ANKRD26: variants seen among roughly 807,000 people sequenced by gnomAD.
ANKRD26 encodes ankyrin repeat domain 26.
Under a neutral mutation model 208.7 loss-of-function variants are expected in ANKRD26, and 141 were observed. That is an observed-to-expected ratio of 0.68 (90% CI 0.59 to 0.78). The LOEUF (loss-of-function observed/expected upper bound fraction) is 0.78. Ranked by LOEUF, ANKRD26 falls within the 30% of genes least tolerant of loss-of-function variation. ANKRD26 has a pLI of 0.00. For missense variants in ANKRD26, 1,889 were observed against 1,938.7 expected, an observed-to-expected ratio of 0.97 and a Z score of 0.48; for synonymous variants, 636 against 660.4, an observed-to-expected ratio of 0.96 and a Z score of 0.57.
chr10:27,046,084 A>T lies in ANKRD26; in HGVS notation c.1985+269T>A, dbSNP rs80348945. ...GAAAGAAGGCTCCCTTGAATCCCAC[A>T]TTCTTCTTCAGTTACCACCCATTTA... On this transcript the variant is annotated intron_variant, in intron 18 of 33. Coordinates refer to ENST00000376087, the MANE Select transcript of ANKRD26 (RefSeq NM_014915.3). 2,089 of 360,130 alleles carry T rather than the reference A, an allele frequency of 5.8e-3. 48 individuals carry two copies. Among genetic ancestry groups the T allele is most frequent in the African/African-American group, 0.04 (1,914 of 48,344 alleles). 22.3% of individuals were successfully genotyped at this position (360,130 alleles called of 1,614,324 possible). A position where few individuals can be genotyped will look rare whatever the true frequency, so the allele number is the denominator to read the frequency against.
Position 27,043,508 on chromosome 10 carries a change from T to C in ANKRD26, c.2079A>G (p.Thr693=). ...GGGGTAGCTCACAATCCTCTGAGGC[T>C]GTTTCAGATGACTGAGTTAAGTCAT... The part of the protein sequence containing the change: ...DVDDLTQSSE[T]ASEDCELPHS... Residue 693 remains threonine (T), a synonymous_variant, in exon 20 of 34, where the codon ACA becomes ACG. Coordinates refer to ENST00000376087, the MANE Select transcript of ANKRD26 (RefSeq NM_014915.3). 1 of 1,613,938 alleles carries C rather than the reference T, an allele frequency of 6.2e-7. No homozygotes were observed. The highest frequency in any genetic ancestry group is 8.5e-7 in the Non-Finnish European group (1 of 1,179,836).
chr10:27,074,970 T>C (rs189559564), intron 9 of ANKRD26, among the ~76,000 whole-genome samples: 24 of 152,256 alleles, frequency 1.6e-4, no homozygotes, highest in Non-Finnish European at 3.4e-4. Context: ...AGCCAAGAAT[T>C]CTGTATCAAG....
In ANKRD26 at chr10:27,027,266, T is replaced by C. The variant is rs370456142; in HGVS notation, c.3972+1586A>G. ...ACATTACTTTGGGGGAAAAGAATGC[T>C]TGTATAATGACATAGTATCCATTCT... On this transcript the variant is annotated intron_variant, in intron 27 of 33. Coordinates refer to ENST00000376087, the MANE Select transcript of ANKRD26 (RefSeq NM_014915.3). Among the ~76,000 whole-genome samples the C allele has an allele frequency of 9.8e-5, 15 of 152,356 alleles. No homozygotes were observed. The East Asian group carries it at 1.5e-3, about 16-fold the overall frequency.
At chr10:27,036,674 T>C (rs1206718) in intron 23 of ANKRD26, among the ~76,000 whole-genome samples, 3,899 of 152,246 alleles carry the variant, frequency 0.026, 63 homozygotes, top group Non-Finnish European at 0.039. Flanking sequence ...TGGCATATCA[T>C]TGTTTCAAAA....
the ANKRD26 span, among the ~76,000 whole-genome samples, chr10:26,966,601 T>A: frequency 6.6e-6 from 1 of 152,172 alleles, no homozygotes; most frequent in African/African-American, 2.4e-5. Context: ...CCAATTTTTT[T>A]AAGAAGAAAT....
chr10:27,022,794 T>C (rs866096433), intron 28 of ANKRD26, 107 bp from the exon 29 acceptor site: 2 of 1,043,726 alleles, frequency 1.9e-6, no homozygotes, highest in South Asian at 1.5e-5. Flanking sequence ...AAATGAATCA[T>C]GATTCTCTCG....
At chr10:27,093,874 A>T in intron 1 of ANKRD26, 75 bp from the exon 2 acceptor site, 1 of 1,172,646 alleles carries the variant, frequency 8.5e-7, no homozygotes, top group Non-Finnish European at 1.3e-6. Context: ...AAAATTATAA[A>T]CATTAAATAG....
chr10:26,959,120 A>G, the ANKRD26 span, among the ~76,000 whole-genome samples: 1 of 152,064 alleles, frequency 6.6e-6, no homozygotes, highest in Admixed American at 6.5e-5. Flanking sequence ...AACTACTAAA[A>G]ATACAAAAAT....
At chr10:27,006,835 A>C in intron 33 of ANKRD26, 82 bp downstream of exon 33, 1 of 1,075,828 alleles carries the variant, frequency 9.3e-7, no homozygotes, top group Non-Finnish European at 1.4e-6. Flanking sequence ...AACAATGGAA[A>C]GGGATCCCAC....
the ANKRD26 span, among the ~76,000 whole-genome samples, chr10:26,960,971 C>T: frequency 6.6e-6 from 1 of 152,132 alleles, no homozygotes; most frequent in African/African-American, 2.4e-5. Context: ...GTAATCCCAG[C>T]CCTTTGGGAG....
intron 29 of ANKRD26, among the ~76,000 whole-genome samples, chr10:27,018,773 T>C (rs1433109161): frequency 1.3e-5 from 2 of 152,122 alleles, no homozygotes; most frequent in Non-Finnish European, 2.9e-5. Context: ...CTGGGAAAAC[T>C]GGATATCCAC....
intron 25 of ANKRD26, among the ~76,000 whole-genome samples, chr10:27,029,686 T>C (rs1165055284): frequency 6.6e-6 from 1 of 152,204 alleles, no homozygotes; most frequent in Non-Finnish European, 1.5e-5. Flanking sequence ...TGTAGAAAGA[T>C]AGGAAATTAC....
At chr10:26,964,969 T>C in the ANKRD26 span, among the ~76,000 whole-genome samples, 1 of 152,186 alleles carries the variant, frequency 6.6e-6, no homozygotes, top group African/African-American at 2.4e-5. Flanking sequence ...GCGTGGTGGC[T>C]CACACCTGTA....
At chr10:27,031,842 A>C (rs1006941981) in intron 25 of ANKRD26, among the ~76,000 whole-genome samples, 13 of 152,344 alleles carry the variant, frequency 8.5e-5, no homozygotes, top group Admixed American at 3.9e-4. Context: ...AAGGAAAATG[A>C]AGGAAATGCC....
intron 2 of ANKRD26, 50 bp downstream of exon 2, chr10:27,093,635 T>C (rs1018958755): frequency 7.5e-6 from 12 of 1,596,718 alleles, no homozygotes; most frequent in East Asian, 2.2e-5. Flanking sequence ...TTTCATTCTA[T>C]GTATTTAAGT....
Position 27,018,214 on chromosome 10 carries a change from A to C in ANKRD26, c.4216-422T>G, listed in dbSNP as rs533273389. Reference sequence around the variant, plus strand: ...CAGTGGTGTGATCTCCACTCACTGCAAGCTTTGCCTCCCGGGTTCATGCCA... The same window carrying C: ...CAGTGGTGTGATCTCCACTCACTGCCAGCTTTGCCTCCCGGGTTCATGCCA... On this transcript the variant is annotated intron_variant, in intron 29 of 33. Coordinates refer to ENST00000376087, the MANE Select transcript of ANKRD26 (RefSeq NM_014915.3). 5.6e-4 allele frequency among the ~76,000 whole-genome samples: 83 copies of C among 149,346 alleles called. 1 individual carries two copies. Among genetic ancestry groups the C allele is most frequent in the African/African-American group, 1.9e-3 (77 of 40,272 alleles).
chr10:26,948,569 T>G, the ANKRD26 span, among the ~76,000 whole-genome samples: 1 of 152,248 alleles, frequency 6.6e-6, no homozygotes, highest in African/African-American at 2.4e-5. Context: ...TTTGAGCCAA[T>G]TAAATTGGAA....
downstream of ANKRD26, among the ~76,000 whole-genome samples, chr10:27,000,455 G>T (rs565626943): frequency 1.3e-5 from 2 of 152,250 alleles, no homozygotes; most frequent in African/African-American, 4.8e-5. Flanking sequence ...GAATTGGAAA[G>T]GATACAATAC....
chr10:26,966,430 T>C, the ANKRD26 span, among the ~76,000 whole-genome samples: 1 of 151,934 alleles, frequency 6.6e-6, no homozygotes, highest in African/African-American at 2.4e-5. Context: ...GAGTTGAACA[T>C]TGAGAACACA....
Sources: allele counts gnomAD v4.1 joint callset (sites outside exome capture counted in the v4.1 genomes callset), GRCh38; gene constraint gnomAD v4.1.1; transcripts MANE v1.5; gene names NCBI Gene and HGNC (gene_info 2026-07-23, HGNC 2026-07-21).